Variants in ART1 observed in about 807,000 individuals in gnomAD.
The protein encoded by ART1 is GPI-linked NAD(P)(+)--arginine ADP-ribosyltransferase 1.
ART1 carries 29 observed loss-of-function variants against 27.0 expected under a neutral mutation model. The ratio of observed to expected loss-of-function variants is 1.08; its 90% CI spans 0.80 to 1.47. The LOEUF (loss-of-function observed/expected upper bound fraction) is 1.47. Among genes scored for constraint, ART1 ranks in the 40% most tolerant of loss-of-function variants. The pLI is 0.00. For synonymous variants in ART1, 201 were observed against 172.2 expected, an observed-to-expected ratio of 1.17 and a Z score of -1.31; for missense variants, 480 against 423.0, an observed-to-expected ratio of 1.13 and a Z score of -1.18.
chr11:3,663,686 C>A (rs1244447323), intron 4 of ART1: 2 of 162,726 alleles, frequency 1.2e-5, no homozygotes, highest in East Asian at 1.9e-4. Flanking sequence ...AACTCTTGGG[C>A]TCAAGCGATC....
chr11:3,657,158 C>CA (rs1384458684), intron 1 of ART1, among the ~76,000 whole-genome samples: 1 of 152,202 alleles, frequency 6.6e-6, no homozygotes, highest in Non-Finnish European at 1.5e-5. Context: ...GAGGCATAAC[C>CA]ACCTTGATAT....
chr11:3,650,945 G>T (rs200305331), intron 1 of ART1, among the ~76,000 whole-genome samples: 75,150 of 142,224 alleles, frequency 0.53, 20,171 homozygotes, highest in Admixed American at 0.71. Flanking sequence ...CCCACAGCAT[G>T]CTTTGAAAGG....
intron 1 of ART1, among the ~76,000 whole-genome samples, chr11:3,655,827 C>G (rs1240393978): frequency 6.6e-6 from 1 of 151,956 alleles, no homozygotes; most frequent in Admixed American, 6.6e-5. Context: ...AAAGCCCCAC[C>G]TGAGCCCATG....
intron 1 of ART1, among the ~76,000 whole-genome samples, chr11:3,653,641 A>G (rs2077546630): frequency 1.3e-5 from 2 of 152,158 alleles, no homozygotes; most frequent in African/African-American, 2.4e-5. Context: ...GCATGAAAAG[A>G]GGAGCTTCGT....
At position 3,664,262 on chromosome 11, in the gene ART1, T is replaced by C; in HGVS notation, c.*73T>C. ...GGATGTTGGCCATGTGTGCTTTCAGTGTAACCAAGATTCCTGTCAATCCCA... is the reference window on the plus strand; with the variant it reads ...GGATGTTGGCCATGTGTGCTTTCAGCGTAACCAAGATTCCTGTCAATCCCA... On this transcript the variant is annotated 3_prime_UTR_variant, in exon 5 of 5. Transcript: ENST00000250693. 7.0e-7 allele frequency: 1 copy of C among 1,435,024 alleles called. No individual in the cohort carries two copies. The highest frequency in any genetic ancestry group is 9.7e-7 in the Non-Finnish European group (1 of 1,028,778). The allele number at this position is 1,435,024 out of a possible 1,614,324, so 88.9% of individuals were successfully genotyped here.
rs1355429069 is a variant in ART1 at position 3,659,261 on chromosome 11, C to T, written c.48C>T (p.Leu16=). The T allele has an allele frequency of 1.1e-5, 17 of 1,614,194 alleles. No homozygotes were observed. Among genetic ancestry groups the T allele is most frequent in the Non-Finnish European group, 1.4e-5 (17 of 1,180,040 alleles). ...MMSLLLVSVG[L]MEALQAQSHP... ...CTCTGCTTCTTGTGTCTGTGGGCCTCATGGAAGCACTTCAGGTATGGGCAT... is the reference window on the plus strand; with the variant it reads ...CTCTGCTTCTTGTGTCTGTGGGCCTTATGGAAGCACTTCAGGTATGGGCAT... The change falls in exon 2 of 5, where the codon CTC becomes CTT. Residue 16 remains leucine, a synonymous_variant. Coordinates refer to ENST00000250693, the MANE Select transcript of ART1 (RefSeq NM_004314.3).
At chr11:3,651,803 T>C (rs945479259) in intron 1 of ART1, among the ~76,000 whole-genome samples, 1 of 151,666 alleles carries the variant, frequency 6.6e-6, no homozygotes, top group Admixed American at 6.6e-5. Context: ...CCCACATTAT[T>C]CCTGATACCA....
Position 3,659,837 on chromosome 11 carries a change from AC to A in ART1, c.322del (p.Leu108TrpfsTer51), listed in dbSNP as rs777625950. On this transcript the variant is annotated frameshift_variant, in exon 3 of 5. Coordinates refer to ENST00000250693, the MANE Select transcript of ART1 (RefSeq NM_004314.3). LOFTEE classifies it high-confidence loss of function. ...SLSPTRPSPPPLGFRDEHGVA... is the reference protein window; with the variant it reads ...SLSPTRPSPPXLGFRDEHGVA... ...TCAGCCCCACCCGTCCATCCCCGCC[AC>A]CCCTGGGCTTCCGCGATGAGCATGG... 9.3e-6 allele frequency: 15 copies of A among 1,611,268 alleles called. No individual in the cohort carries two copies. Among genetic ancestry groups the A allele is most frequent in the Non-Finnish European group, 1.3e-5 (15 of 1,179,276 alleles).
intron 1 of ART1, among the ~76,000 whole-genome samples, chr11:3,658,444 C>G (rs1024243539): frequency 2.6e-5 from 4 of 152,112 alleles, no homozygotes; most frequent in Non-Finnish European, 2.9e-5. Context: ...CTCCGCCTGT[C>G]CCCCAGCAAA....
intron 1 of ART1, among the ~76,000 whole-genome samples, chr11:3,658,916 C>T (rs1370083609): frequency 6.6e-6 from 1 of 152,174 alleles, no homozygotes; most frequent in Non-Finnish European, 1.5e-5. Context: ...CCTTTCCCAC[C>T]CAAACACCAG....
chr11:3,664,305 G>C lies in ART1; in HGVS notation c.*116G>C. ...CAATCCCATCTGCAGGGAACTCTGG[G>C]ACCTTCTCTGGTAGCTGCCAGACCG... On this transcript the variant is annotated 3_prime_UTR_variant, in exon 5 of 5. Coordinates refer to ENST00000250693, the MANE Select transcript of ART1 (RefSeq NM_004314.3). The C allele has an allele frequency of 1.0e-6, 1 of 996,772 alleles. No individual in the cohort carries two copies. The highest frequency in any genetic ancestry group is 1.5e-6 in the Non-Finnish European group (1 of 659,082). 61.7% of individuals were successfully genotyped at this position (996,772 alleles called of 1,614,324 possible).
At chr11:3,645,223 G>A (rs556534823) in intron 1 of ART1, 44 bp downstream of exon 1, 1 of 152,156 alleles carries the variant, frequency 6.6e-6, no homozygotes. Context: ...GGCAGGAAAA[G>A]TGGTTTTGAG....
chr11:3,645,614 C>T (rs115395099), intron 1 of ART1, among the ~76,000 whole-genome samples: 59 of 152,306 alleles, frequency 3.9e-4, no homozygotes, highest in African/African-American at 1.2e-3. Flanking sequence ...CTGTTAGCTG[C>T]GCTGAGAAAG....
At chr11:3,655,614 G>T (rs1033745675) in intron 1 of ART1, 2 of 152,226 alleles carry the variant, frequency 1.3e-5, no homozygotes, top group African/African-American at 4.8e-5. Context: ...TGGACTCGAA[G>T]ACAGTCTCCG....
At chr11:3,647,217 G>T (rs192437458) in intron 1 of ART1, among the ~76,000 whole-genome samples, 3 of 152,206 alleles carry the variant, frequency 2.0e-5, no homozygotes, top group East Asian at 1.9e-4. Context: ...CAACTACTGG[G>T]GAGGCTGAGG....
rs138282713 is a variant in ART1, at chr11:3,648,299, G to A, written c.-53+3120G>A. ...TGTTTGGTGGTGTCTTCACACGGAC[G>A]CGCATGAAATTTGGTGCCCTGACTC... On this transcript the variant is annotated intron_variant, in intron 1 of 4. Coordinates refer to ENST00000250693, the MANE Select transcript of ART1 (RefSeq NM_004314.3). Among the ~76,000 whole-genome samples the A allele has an allele frequency of 1.5e-3, 231 of 152,278 alleles. 1 individual carries two copies. In the Middle Eastern group the frequency reaches 0.017, roughly 11 times the overall value.
intron 1 of ART1, among the ~76,000 whole-genome samples, chr11:3,653,517 C>A (rs1022193978): frequency 6.6e-6 from 1 of 151,926 alleles, no homozygotes; most frequent in Non-Finnish European, 1.5e-5. Flanking sequence ...AAAACGGACC[C>A]ACCCTTATCT....
chr11:3,645,202 C>T (rs1448086067), intron 1 of ART1, 23 bp downstream of exon 1: 3 of 152,100 alleles, frequency 2.0e-5, no homozygotes, highest in East Asian at 1.9e-4. Context: ...CCACTCTCCT[C>T]CTGGGTGCTG....
At chr11:3,650,922 G>A (rs142231376) in intron 1 of ART1, among the ~76,000 whole-genome samples, 66,776 of 134,882 alleles carry the variant, frequency 0.5, 16,554 homozygotes, top group Admixed American at 0.67. Context: ...CCCGCTCAAT[G>A]CCAGTATCCC....
Sources: allele counts gnomAD v4.1 joint callset (sites outside exome capture counted in the v4.1 genomes callset), GRCh38; gene constraint gnomAD v4.1.1; transcripts MANE v1.5; gene names NCBI Gene and HGNC (gene_info 2026-07-23, HGNC 2026-07-21).